CRAMP1: variants seen among roughly 807,000 people sequenced by gnomAD.
The protein encoded by CRAMP1 is protein cramped-like.
Under a neutral mutation model 115.4 loss-of-function variants are expected in CRAMP1, and 50 were observed. The observed-to-expected ratio is 0.43, with a 90% CI of 0.35 to 0.55. The LOEUF is 0.55. Among genes scored for constraint, CRAMP1 ranks in the 20% least tolerant of loss-of-function variants. CRAMP1 has a pLI of 0.01. For synonymous variants in CRAMP1, 866 were observed against 745.4 expected (o/e 1.16, Z -2.64); for missense variants, 1,679 against 1,721.7 (o/e 0.98, Z 0.44).
rs1259247687 is a variant in CRAMP1, at chr16:1,672,068, T to G, written c.3645+1259T>G. ...TCCTAAGTGCTGGGCTCTGTGGAGA[T>G]GGGCGCTGCGTACGTGCCCTGAGGC... On this transcript the variant is annotated intron_variant, in intron 20 of 20. Transcript: ENST00000397412. This position sits in a 1 kb window ranked among gnomAD's most constrained non-coding sequence, Gnocchi z 4.9. Among the ~76,000 whole-genome samples, 1 of 152,164 alleles carries G rather than the reference T, an allele frequency of 6.6e-6. No homozygotes were observed. Among genetic ancestry groups the G allele is most frequent in the African/African-American group, 2.4e-5 (1 of 41,446 alleles).
chr16:1,616,383 G>A (rs2036419907), intron 2 of CRAMP1, among the ~76,000 whole-genome samples: 2 of 152,306 alleles, frequency 1.3e-5, no homozygotes, highest in South Asian at 4.1e-4. Context: ...CACCCTCTTG[G>A]AGATGCTTTT....
intron 8 of CRAMP1, 125 bp downstream of exon 8, chr16:1,653,281 C>CTGCTGCGTCCTCGTGT: frequency 1.7e-6 from 2 of 1,164,746 alleles, no homozygotes; most frequent in Non-Finnish European, 2.4e-6. Flanking sequence ...TGTCATCACA[C>CTGCTGCGTCCTCGTGT]GAGGACGCAG....
intron 10 of CRAMP1, among the ~76,000 whole-genome samples, chr16:1,659,141 A>ATATTT (rs1567459343): frequency 6.6e-6 from 1 of 152,126 alleles, no homozygotes. Flanking sequence ...AAGTCAGCCT[A>ATATTT]TATTTCCTTC....
chr16:1,661,219 G>T (rs543006758), intron 11 of CRAMP1, among the ~76,000 whole-genome samples: 2 of 152,330 alleles, frequency 1.3e-5, no homozygotes, highest in South Asian at 4.1e-4. Flanking sequence ...CTACTCGGGA[G>T]GCTGAGGTGG....
chr16:1,624,270 G>C (rs575610428), intron 2 of CRAMP1, among the ~76,000 whole-genome samples: 2 of 152,158 alleles, frequency 1.3e-5, no homozygotes, highest in Middle Eastern at 3.4e-3. Context: ...CCCCCCACCG[G>C]GTGAGGCACT....
At chr16:1,660,103 C>T in intron 11 of CRAMP1, 40 bp downstream of exon 11, 8 of 1,458,452 alleles carry the variant, frequency 5.5e-6, no homozygotes, top group Non-Finnish European at 6.3e-6. Flanking sequence ...CCTGGGCTGC[C>T]CTGATGGCAC....
chr16:1,667,888 A>G, intron 17 of CRAMP1, 74 bp from the exon 18 acceptor site: 1 of 922,440 alleles, frequency 1.1e-6, no homozygotes, highest in Non-Finnish European at 1.7e-6. Context: ...CTAGGAGAGT[A>G]AGCTGGTGTT....
intron 8 of CRAMP1, among the ~76,000 whole-genome samples, chr16:1,654,920 C>T (rs150145276): frequency 6.9e-4 from 105 of 152,372 alleles, no homozygotes; most frequent in Non-Finnish European, 1.1e-3. Context: ...GTAGACTAGG[C>T]AGAGGCTGTG....
rs1027631914 is a variant in CRAMP1, at chr16:1,671,937, G to A, written c.3645+1128G>A. Reference sequence around the variant, plus strand: ...AGACCTCCATCTCACAGTGTGTGGCGTTTCTCAAACCTGTTTGGCCCCAGA... The same window carrying A: ...AGACCTCCATCTCACAGTGTGTGGCATTTCTCAAACCTGTTTGGCCCCAGA... On this transcript the variant is annotated intron_variant, in intron 20 of 20. Coordinates refer to ENST00000397412, the MANE Select transcript of CRAMP1 (RefSeq NM_020825.4). The surrounding 1 kb of genome is among the most constrained non-coding windows in gnomAD (Gnocchi z 5.0). Among the ~76,000 whole-genome samples, 3 of 152,312 alleles carry A rather than the reference G, an allele frequency of 2.0e-5. No individual in the cohort carries two copies. Among genetic ancestry groups the A allele is most frequent in the South Asian group, 4.1e-4 (2 of 4,822 alleles).
At position 1,618,837 on chromosome 16, in the gene CRAMP1, C is replaced by T. The variant is rs534155236; in HGVS notation, c.346+3852C>T. On this transcript the variant is annotated intron_variant, in intron 2 of 20. Transcript: ENST00000397412. Reference sequence around the variant, plus strand: ...GTGAGCTGTGGACATTGCACTCCAGCCTGGGTGACACAACAAGACCCTGTT... The same window carrying T: ...GTGAGCTGTGGACATTGCACTCCAGTCTGGGTGACACAACAAGACCCTGTT... 1.3e-4 allele frequency among the ~76,000 whole-genome samples: 20 copies of T among 152,198 alleles called. No homozygotes were observed. In the South Asian group the frequency reaches 3.7e-3, roughly 28 times the overall value.
chr16:1,652,643 G>C, intron 7 of CRAMP1, 62 bp downstream of exon 7: 1 of 1,423,312 alleles, frequency 7.0e-7, no homozygotes, highest in African/African-American at 1.4e-5. Flanking sequence ...TTCAATGATG[G>C]GCAGGCTGAG....
chr16:1,615,117 T>A, intron 2 of CRAMP1, 132 bp downstream of exon 2: 1 of 442,016 alleles, frequency 2.3e-6, no homozygotes, highest in South Asian at 1.3e-4. Context: ...GCTCTCAATT[T>A]GGGTGGCACT....
intron 4 of CRAMP1, among the ~76,000 whole-genome samples, chr16:1,636,990 C>A (rs1255261428): frequency 1.3e-5 from 2 of 152,180 alleles, no homozygotes; most frequent in African/African-American, 4.8e-5. Context: ...CTGTTTGCCT[C>A]CCAAATAAAA....
Position 1,671,781 on chromosome 16 carries a change from C to T in CRAMP1, c.3645+972C>T, listed in dbSNP as rs1340682379. On this transcript the variant is annotated intron_variant, in intron 20 of 20. Transcript: ENST00000397412. The surrounding 1 kb of genome is among the most constrained non-coding windows in gnomAD (Gnocchi z 5.0). ...CTGTTTCTCACGGACACCTCCGCTA[C>T]CCAGTATCCGAATGTGAATCGTGAC... Among the ~76,000 whole-genome samples, 1 of 152,234 alleles carries T rather than the reference C, an allele frequency of 6.6e-6. No individual in the cohort carries two copies. Among genetic ancestry groups the T allele is most frequent in the Non-Finnish European group, 1.5e-5 (1 of 68,040 alleles).
chr16:1,652,559 G>C lies in CRAMP1; in HGVS notation c.891G>C (p.Leu297=). The C allele has an allele frequency of 6.4e-7, 1 of 1,553,050 alleles. No homozygotes were observed. The highest frequency in any genetic ancestry group is 8.7e-7 in the Non-Finnish European group (1 of 1,147,630). ...TCAAAGCGCCCATGTGCCGGGCCCTGAAGAAGCTGTGCGATCCAGATGGTA... is the reference window on the plus strand; with the variant it reads ...TCAAAGCGCCCATGTGCCGGGCCCTCAAGAAGCTGTGCGATCCAGATGGTA... The part of the protein sequence containing the change: ...LRIKAPMCRA[L]KKLCDPDGLS... Residue 297 remains leucine (L), a synonymous_variant, in exon 7 of 21, where the codon CTG becomes CTC. Coordinates refer to ENST00000397412, the MANE Select transcript of CRAMP1 (RefSeq NM_020825.4).
intron 11 of CRAMP1, 52 bp from the exon 12 acceptor site, chr16:1,662,438 A>T (rs1340504990): frequency 1.3e-5 from 19 of 1,433,934 alleles, no homozygotes; most frequent in Non-Finnish European, 8.8e-6. Flanking sequence ...GTGACCCTGG[A>T]CCTGTTGCTA....
rs2142164760 is a variant in CRAMP1 at position 1,614,705 on chromosome 16, G to A, written c.66G>A (p.Ala22=). ...EDGLKKLGKR[A]ADEESLEGEG... ...GGCTCAAGAAGCTGGGCAAGCGGGC[G>A]GCCGATGAGGAGTCCCTGGAAGGAG... Residue 22 remains alanine, a synonymous_variant, in exon 2 of 21, where the codon GCG becomes GCA. Coordinates refer to ENST00000397412, the MANE Select transcript of CRAMP1 (RefSeq NM_020825.4). This position sits in a 1 kb window ranked among gnomAD's most constrained non-coding sequence, Gnocchi z 4.4. 1.5e-6 allele frequency: 2 copies of A among 1,339,996 alleles called. No individual in the cohort carries two copies. Among genetic ancestry groups the A allele is most frequent in the East Asian group, 3.1e-5 (1 of 32,122 alleles). 83.0% of individuals were successfully genotyped at this position (1,339,996 alleles called of 1,614,324 possible).
At chr16:1,633,663 G>T (rs2036563983) in intron 4 of CRAMP1, among the ~76,000 whole-genome samples, 1 of 152,240 alleles carries the variant, frequency 6.6e-6, no homozygotes, top group Non-Finnish European at 1.5e-5. Flanking sequence ...TGTGGTTAAT[G>T]TCAGGTTGTG....
intron 20 of CRAMP1, 36 bp from the exon 21 acceptor site, chr16:1,673,845 G>A (rs954693275): frequency 2.9e-5 from 46 of 1,609,504 alleles, no homozygotes; most frequent in South Asian, 1.8e-4. Context: ...CCAGCAGGTC[G>A]CGGTGACTTG....
Sources: gnomAD v4.1 joint callset for allele counts (sites outside exome capture counted in the v4.1 genomes callset) on GRCh38, gnomAD v4.1.1 for gene constraint, Gnocchi (gnomAD v3.1) non-coding constraint, MANE v1.5 for transcripts, NCBI Gene and HGNC (gene_info 2026-07-23, HGNC 2026-07-21) for gene names.